The following ALKBH1 variants were observed in gnomAD, a reference collection of about 807,000 sequenced individuals.
ALKBH1 encodes the protein alkB homolog 1, histone H2A dioxygenase.
ALKBH1 carries 31 observed loss-of-function variants against 36.6 expected under a neutral mutation model. The ratio of observed to expected loss-of-function variants is 0.85; its 90% confidence interval spans 0.64 to 1.14. The LOEUF is 1.14. Ranked by LOEUF, ALKBH1 falls within the 50% of genes most tolerant of loss-of-function variation. The pLI, the probability that ALKBH1 is intolerant of heterozygous loss-of-function variation, is 0.00. For missense variants in ALKBH1, 490 were observed against 497.3 expected, an observed-to-expected ratio of 0.99 and a Z score of 0.14; for synonymous variants, 183 against 186.6, an observed-to-expected ratio of 0.98 and a Z score of 0.16.
In ALKBH1 at chr14:77,673,788, T is replaced by C; in HGVS notation, c.*24A>G. 2 of 1,595,034 alleles carry C rather than the reference T, an allele frequency of 1.3e-6. No homozygotes were observed. The highest frequency in any genetic ancestry group is 1.7e-6 in the Non-Finnish European group (2 of 1,168,982). Reference sequence around the variant, plus strand: ...CATTTACGGTAAGCAGGTGCCTGAGTAAAAAGGATGGGATCTCCAAGTCTC... The same window carrying C: ...CATTTACGGTAAGCAGGTGCCTGAGCAAAAAGGATGGGATCTCCAAGTCTC... On this transcript the variant is annotated 3_prime_UTR_variant, in exon 6 of 6. Coordinates refer to ENST00000216489, the MANE Select transcript of ALKBH1 (RefSeq NM_006020.3).
intron 3 of ALKBH1, chr14:77,683,518 T>C (rs1257199376): frequency 1.4e-5 from 9 of 662,602 alleles, no homozygotes; most frequent in South Asian, 1.2e-4. Flanking sequence ...GCAACATTTA[T>C]GGGCCATTCC....
chr14:77,692,466 T>C (rs1272919746), intron 3 of ALKBH1, among the ~76,000 whole-genome samples: 1 of 152,150 alleles, frequency 6.6e-6, no homozygotes, highest in Non-Finnish European at 1.5e-5. Context: ...CAATAAGGAG[T>C]GCGCAACCTA....
intron 3 of ALKBH1, among the ~76,000 whole-genome samples, chr14:77,681,681 T>C (rs1256223922): frequency 6.6e-6 from 1 of 152,190 alleles, no homozygotes; most frequent in Admixed American, 6.5e-5. Flanking sequence ...GTTCACACAA[T>C]TCTCTGGAAG....
At chr14:77,675,571 T>A in intron 5 of ALKBH1, 85 bp downstream of exon 5, 4 of 1,246,140 alleles carry the variant, frequency 3.2e-6, no homozygotes, top group Non-Finnish European at 4.4e-6. Context: ...TAAAGTTAAA[T>A]ACCTGTATTT....
chr14:77,700,633 C>T (rs2080354341), intron 2 of ALKBH1, among the ~76,000 whole-genome samples: 1 of 152,134 alleles, frequency 6.6e-6, no homozygotes, highest in Non-Finnish European at 1.5e-5. Flanking sequence ...CCTGCTATCA[C>T]CACAATTTCA....
intron 3 of ALKBH1, among the ~76,000 whole-genome samples, chr14:77,694,163 T>C (rs959479184): frequency 3.3e-5 from 5 of 152,234 alleles, no homozygotes; most frequent in African/African-American, 1.2e-4. Flanking sequence ...CCAGAGACTA[T>C]GCACTACTGA....
chr14:77,704,312 A>C (rs2080376103), intron 2 of ALKBH1, 57 bp downstream of exon 2: 1 of 1,218,252 alleles, frequency 8.2e-7, no homozygotes, highest in Non-Finnish European at 1.2e-6. Context: ...TTCTTTGAAG[A>C]CATGAAGACA....
intron 2 of ALKBH1, among the ~76,000 whole-genome samples, chr14:77,698,882 G>C (rs1452359465): frequency 1.3e-5 from 2 of 152,202 alleles, no homozygotes; most frequent in East Asian, 3.8e-4. Flanking sequence ...CTGAGTAGAT[G>C]AGATTACAGG....
chr14:77,701,584 G>C (rs920336207), intron 2 of ALKBH1, among the ~76,000 whole-genome samples: 1 of 152,168 alleles, frequency 6.6e-6, no homozygotes, highest in Non-Finnish European at 1.5e-5. Flanking sequence ...TTGTTCAAGA[G>C]GATGTGTCCT....
intron 2 of ALKBH1, among the ~76,000 whole-genome samples, chr14:77,697,904 T>A (rs1194136177): frequency 6.6e-6 from 1 of 151,826 alleles, no homozygotes; most frequent in African/African-American, 2.4e-5. Context: ...TCCCAGCTAT[T>A]TGGGAGGCTA....
intron 3 of ALKBH1, among the ~76,000 whole-genome samples, 165 bp downstream of exon 3, chr14:77,694,573 G>A (rs2080316440): frequency 6.6e-6 from 1 of 152,106 alleles, no homozygotes; most frequent in South Asian, 2.1e-4. Context: ...CTGTCCAAAT[G>A]TTCCTGGGGA....
At chr14:77,687,285 T>C (rs2080273081) in intron 3 of ALKBH1, among the ~76,000 whole-genome samples, 1 of 152,204 alleles carries the variant, frequency 6.6e-6, no homozygotes, top group Non-Finnish European at 1.5e-5. Context: ...ATTCTCTACC[T>C]ATACTATATC....
chr14:77,694,636 C>A (rs1317364688), intron 3 of ALKBH1, 102 bp downstream of exon 3: 5 of 1,002,494 alleles, frequency 5.0e-6, no homozygotes, highest in Non-Finnish European at 6.7e-6. Flanking sequence ...AAAAAAAAAC[C>A]CAGCCAGTCA....
In ALKBH1 at chr14:77,675,671, G is replaced by A. The variant is rs753002319; in HGVS notation, c.725C>T (p.Pro242Leu). The change falls in exon 5 of 6, where the codon CCC (proline) becomes CTC (leucine). Residue 242 changes from proline to leucine, a missense_variant. Coordinates refer to ENST00000216489, the MANE Select transcript of ALKBH1 (RefSeq NM_006020.3). ...VDRSELDHSK[P>L]LLSFSFGQSA... is the part of the protein sequence containing the mutation. ...ACTAACTCACCTGAATGACAGCAAG[G>A]GTTTGGAGTGATCTAGCTCAGATCT... 1.2e-6 allele frequency: 2 copies of A among 1,613,602 alleles called. No individual in the cohort carries two copies. The highest frequency in any genetic ancestry group is 1.7e-5 in the Admixed American group (1 of 60,012).
intron 4 of ALKBH1, among the ~76,000 whole-genome samples, chr14:77,678,127 T>C (rs1459057103): frequency 6.8e-6 from 1 of 147,140 alleles, no homozygotes; most frequent in East Asian, 2.0e-4. Flanking sequence ...TTTATTGTGA[T>C]AATGCATTTA....
intron 3 of ALKBH1, chr14:77,683,218 T>G (rs961502358): frequency 1.3e-5 from 9 of 682,722 alleles, no homozygotes; most frequent in Non-Finnish European, 2.5e-5. Context: ...TATGAATCCA[T>G]AGAGAATAGG....
chr14:77,695,039 G>GTTGATGAACATTA, intron 2 of ALKBH1, 139 bp from the exon 3 acceptor site: 1 of 620,182 alleles, frequency 1.6e-6, no homozygotes, highest in Non-Finnish European at 2.4e-6. Flanking sequence ...TTAATGAACA[G>GTTGATGAACATTA]GTAGGTTTTG....
intron 1 of ALKBH1, among the ~76,000 whole-genome samples, chr14:77,705,727 C>G (rs1357260759): frequency 6.6e-6 from 1 of 152,048 alleles, no homozygotes; most frequent in East Asian, 1.9e-4. Flanking sequence ...TTTATTCTTC[C>G]CTGAATAGTA....
chr14:77,704,581 A>T (rs1021098036), intron 1 of ALKBH1, 104 bp from the exon 2 acceptor site: 11 of 854,122 alleles, frequency 1.3e-5, no homozygotes, highest in African/African-American at 6.6e-5. Context: ...CAAAGCTAGG[A>T]TTCTTGTTTA....
Sources: allele counts gnomAD v4.1 joint callset (sites outside exome capture counted in the v4.1 genomes callset), GRCh38; gene constraint gnomAD v4.1.1; transcripts MANE v1.5; gene names NCBI Gene and HGNC (gene_info 2026-07-23, HGNC 2026-07-21).